The following CEP162 variants were observed in gnomAD, a reference collection of about 807,000 sequenced individuals.
CEP162 encodes the protein centrosomal protein of 162 kDa.
CEP162 carries 141 observed loss-of-function variants against 169.2 expected under a neutral mutation model. The ratio of observed to expected loss-of-function variants is 0.83; its 90% CI spans 0.73 to 0.96. The LOEUF (loss-of-function observed/expected upper bound fraction) is 0.96, where lower values mean the gene tolerates loss of function less well. Ranked by LOEUF, CEP162 falls within the 40% of genes least tolerant of loss-of-function variation. CEP162 has a pLI of 0.00. For synonymous variants in CEP162, 540 were observed against 526.4 expected, an observed-to-expected ratio of 1.03 and a Z score of -0.35; for missense variants, 1,600 against 1,587.2, an observed-to-expected ratio of 1.01 and a Z score of -0.14.
intron 7 of CEP162, among the ~76,000 whole-genome samples, 184 bp downstream of exon 7, chr6:84,203,797 A>C (rs951749122): frequency 2.6e-5 from 4 of 152,156 alleles, no homozygotes; most frequent in Non-Finnish European, 5.9e-5. Flanking sequence ...TTTTTCATTA[A>C]GATTTACATT....
chr6:84,216,739 T>C (rs967075941), intron 3 of CEP162, among the ~76,000 whole-genome samples: 12 of 152,184 alleles, frequency 7.9e-5, no homozygotes, highest in East Asian at 1.9e-4. Flanking sequence ...GTGGAGAGAA[T>C]TGATATGCTG....
Position 84,171,643 on chromosome 6 carries a change from C to T in CEP162, c.2242G>A (p.Glu748Lys). 2 of 1,548,662 alleles carry T rather than the reference C, an allele frequency of 1.3e-6. No individual in the cohort carries two copies. The highest frequency in any genetic ancestry group is 1.7e-6 in the Non-Finnish European group (2 of 1,148,662). Residue 748 changes from glutamate (E) to lysine (K), a missense_variant, in exon 17 of 27, where the codon GAA becomes AAA. By Grantham distance (56) the Glu-to-Lys change is moderately conservative (BLOSUM62 1). Coordinates refer to ENST00000403245, the MANE Select transcript of CEP162 (RefSeq NM_014895.4). ...NKKNEERMFK[E>K]NQSLFSEVAS... ...ACCTCACTGAATAAACTTTGGTTTT[C>T]CTTAAACATTCGCTCCTCATTTTTC...
chr6:84,198,563 A>G (rs1292846424), intron 9 of CEP162, among the ~76,000 whole-genome samples: 2 of 152,166 alleles, frequency 1.3e-5, no homozygotes, highest in Non-Finnish European at 2.9e-5. Context: ...TACAGATGGG[A>G]GCCATTGCAC....
intron 6 of CEP162, among the ~76,000 whole-genome samples, chr6:84,206,864 A>G (rs1462273871): frequency 6.6e-6 from 1 of 152,228 alleles, no homozygotes; most frequent in Non-Finnish European, 1.5e-5. Flanking sequence ...GAACTCAAAC[A>G]AATTTATAAG....
intron 25 of CEP162, among the ~76,000 whole-genome samples, chr6:84,133,302 A>T (rs1036076747): frequency 2.6e-5 from 4 of 152,138 alleles, no homozygotes; most frequent in African/African-American, 9.7e-5. Flanking sequence ...AGGCTACTCA[A>T]GTGTCAGGGA....
In CEP162 at chr6:84,160,847, C is replaced by T. The variant is rs1488390701; in HGVS notation, c.2746G>A (p.Ala916Thr). ...AGATCCTGAATTTTTTTGGCATCTG[C>T]TGCTTTATCTTTTAAGCGTATCTTC... Reference protein sequence around the residue: ...RQKIRLKDKAADAKKIQDLER... With the variant: ...RQKIRLKDKATDAKKIQDLER... Residue 916 changes from alanine (A) to threonine (T), a missense_variant, in exon 21 of 27, where the codon GCA becomes ACA. By Grantham distance (58) the Ala-to-Thr change is moderately conservative. Transcript: ENST00000403245. 1 of 1,613,030 alleles carries T rather than the reference C, an allele frequency of 6.2e-7. No individual in the cohort carries two copies.
intron 6 of CEP162, among the ~76,000 whole-genome samples, chr6:84,212,479 G>A (rs1316441272): frequency 2.6e-5 from 4 of 151,972 alleles, no homozygotes; most frequent in Non-Finnish European, 5.9e-5. Flanking sequence ...AAAGTAGATT[G>A]TGATAAGGTA....
intron 3 of CEP162, 131 bp downstream of exon 3, chr6:84,220,926 A>G (rs1013778394): frequency 5.8e-6 from 3 of 515,902 alleles, no homozygotes; most frequent in Admixed American, 3.7e-5. Context: ...ATGAAAATCA[A>G]TTCAAACTTC....
At chr6:84,184,990 A>C (rs1477832166) in intron 13 of CEP162, among the ~76,000 whole-genome samples, 197 bp downstream of exon 13, 1 of 151,686 alleles carries the variant, frequency 6.6e-6, no homozygotes, top group East Asian at 1.9e-4. Flanking sequence ...ACCCAAAACC[A>C]ATTCTTCAGA....
chr6:84,186,416 A>G lies in CEP162; in HGVS notation c.1317T>C (p.His439=). 1.3e-6 allele frequency: 2 copies of G among 1,590,222 alleles called. No individual in the cohort carries two copies. The highest frequency in any genetic ancestry group is 1.7e-6 in the Non-Finnish European group (2 of 1,158,382). Residue 439 remains histidine (H), a synonymous_variant, in exon 12 of 27, where the codon CAT becomes CAC. Coordinates refer to ENST00000403245, the MANE Select transcript of CEP162 (RefSeq NM_014895.4). ...QVTEVTATEE[H]VDKMYLNILR... ...AAATATTAAGGTACATTTTATCAACATGTTCTTCTGTGGCAGTTACTTCAG... is the reference window on the plus strand; with the variant it reads ...AAATATTAAGGTACATTTTATCAACGTGTTCTTCTGTGGCAGTTACTTCAG...
At chr6:84,190,215 C>G (rs1317512083) in intron 11 of CEP162, among the ~76,000 whole-genome samples, 1 of 152,152 alleles carries the variant, frequency 6.6e-6, no homozygotes. Flanking sequence ...CTTGGAGAAC[C>G]TGTGTGTTGA....
At chr6:84,178,516 T>G (rs1421476424) in intron 13 of CEP162, among the ~76,000 whole-genome samples, 1 of 152,212 alleles carries the variant, frequency 6.6e-6, no homozygotes. Flanking sequence ...ATTCAACCAT[T>G]GAGCATCTTT....
In CEP162 at chr6:84,167,359, T is replaced by C. The variant is rs116410142; in HGVS notation, c.2385+1969A>G. Among the ~76,000 whole-genome samples, 504 of 152,312 alleles carry C rather than the reference T, an allele frequency of 3.3e-3. 5 individuals are homozygous for C. The highest frequency in any genetic ancestry group is 0.011 in the African/African-American group (456 of 41,578). The stretch of plus-strand genomic sequence containing the variant: ...CATTCCCACAGCTCTGTTTAATGTT[T>C]GTTTGAATTTGCCTGGCCTGTTTTG... On this transcript the variant is annotated intron_variant, in intron 18 of 26. Transcript: ENST00000403245.
At chr6:84,222,210 G>A (rs768323516) in intron 2 of CEP162, among the ~76,000 whole-genome samples, 9 of 152,062 alleles carry the variant, frequency 5.9e-5, no homozygotes, top group Non-Finnish European at 8.8e-5. Context: ...AAAGGCCTCC[G>A]AAATGCCACA....
At chr6:84,220,594 C>A (rs994327915) in intron 3 of CEP162, among the ~76,000 whole-genome samples, 1 of 152,150 alleles carries the variant, frequency 6.6e-6, no homozygotes, top group Non-Finnish European at 1.5e-5. Context: ...TACTGCCCTT[C>A]AGCCTGGGCA....
Position 84,160,907 on chromosome 6 carries a change from G to C in CEP162, c.2686C>G (p.Leu896Val). The part of the protein sequence containing the change: ...IEKLKLEIEK[L>V]KAESGNPSIR... Reference sequence around the variant, plus strand: ...GATGGATTCCCAGATTCAGCTTTCAGTTTCTCAATCTGTCAATAAATAAAT... The same window carrying C: ...GATGGATTCCCAGATTCAGCTTTCACTTTCTCAATCTGTCAATAAATAAAT... Residue 896 changes from leucine to valine, a missense_variant, in exon 21 of 27, where the codon CTG (leucine) becomes GTG (valine). Leu to Val is a conservative substitution (Grantham distance 32, BLOSUM62 1). Transcript: ENST00000403245. The C allele has an allele frequency of 6.2e-7, 1 of 1,604,728 alleles. No homozygotes were observed. Among genetic ancestry groups the C allele is most frequent in the Middle Eastern group, 1.7e-4 (1 of 6,042 alleles).
intron 7 of CEP162, among the ~76,000 whole-genome samples, chr6:84,202,264 C>T (rs2099544827): frequency 6.6e-6 from 1 of 152,142 alleles, no homozygotes; most frequent in South Asian, 2.1e-4. Flanking sequence ...AGCTGAAGTT[C>T]TTCAATATTA....
At chr6:84,223,157 C>T (rs913128734) in intron 2 of CEP162, among the ~76,000 whole-genome samples, 1 of 152,198 alleles carries the variant, frequency 6.6e-6, no homozygotes, top group African/African-American at 2.4e-5. Context: ...TTCCACAGTG[C>T]TTCCCAGCAC....
chr6:84,216,917 A>T (rs892942870), intron 3 of CEP162, among the ~76,000 whole-genome samples: 1 of 152,220 alleles, frequency 6.6e-6, no homozygotes, highest in African/African-American at 2.4e-5. Context: ...TATAATAAAA[A>T]GTTTCAAAAA....
Sources: allele counts gnomAD v4.1 joint callset (sites outside exome capture counted in the v4.1 genomes callset), GRCh38; gene constraint gnomAD v4.1.1; transcripts MANE v1.5; gene names NCBI Gene and HGNC (gene_info 2026-07-23, HGNC 2026-07-21).